CSMD3: variants seen among roughly 807,000 people sequenced by gnomAD.
CSMD3 encodes the protein CUB and Sushi multiple domains 3, also known as CUB and sushi domain-containing protein 3.
Under a neutral mutation model 435.2 loss-of-function variants are expected in CSMD3, and 177 were observed. That is an observed-to-expected ratio of 0.41 (90% confidence interval 0.36 to 0.46). CSMD3 has a LOEUF of 0.46. Among genes scored for constraint, CSMD3 ranks in the 20% least tolerant of loss-of-function variants. The pLI is 0.34. For synonymous variants in CSMD3, 1,656 were observed against 1,520.5 expected, an observed-to-expected ratio of 1.09 and a Z score of -2.07; for missense variants, 4,265 against 4,504.6, an observed-to-expected ratio of 0.95 and a Z score of 1.52.
intron 16 of CSMD3, among the ~76,000 whole-genome samples, chr8:112,681,036 T>G (rs1308512828): frequency 6.6e-6 from 1 of 151,172 alleles, no homozygotes; most frequent in East Asian, 1.9e-4. Flanking sequence ...TTTTTTCCTT[T>G]TTCTTTTTTT....
intron 10 of CSMD3, among the ~76,000 whole-genome samples, chr8:112,894,923 G>A (rs1354392959): frequency 6.6e-6 from 1 of 151,344 alleles, no homozygotes; most frequent in Non-Finnish European, 1.5e-5. Context: ...ACACTGGAAT[G>A]GATAATAAAT....
At chr8:112,385,209 T>C (rs73700688) in intron 36 of CSMD3, among the ~76,000 whole-genome samples, 3,196 of 152,304 alleles carry the variant, frequency 0.021, 103 homozygotes, top group African/African-American at 0.072. Flanking sequence ...TGGCTCCCTC[T>C]CCTCATGGGC....
At chr8:113,089,193 A>T (rs1242023126) in intron 5 of CSMD3, among the ~76,000 whole-genome samples, 3 of 151,884 alleles carry the variant, frequency 2.0e-5, no homozygotes, top group Non-Finnish European at 2.9e-5. Flanking sequence ...TCAATACATA[A>T]TTTTCATTCA....
At chr8:112,638,945 G>C in intron 20 of CSMD3, 34 bp from the exon 21 acceptor site, 1 of 1,397,072 alleles carries the variant, frequency 7.2e-7, no homozygotes, top group Non-Finnish European at 1.0e-6. Flanking sequence ...GAATTTACAG[G>C]TAGATCAGTA....
intron 12 of CSMD3, among the ~76,000 whole-genome samples, chr8:112,805,810 T>TCCTGACTCTCCTTCC (rs2079072244): frequency 6.6e-6 from 1 of 152,206 alleles, no homozygotes; most frequent in African/African-American, 2.4e-5. Context: ...TTCAAGGATT[T>TCCTGACTCTCCTTCC]CCTGACTCTC....
intron 59 of CSMD3, among the ~76,000 whole-genome samples, chr8:112,271,532 A>C (rs1329797445): frequency 6.6e-6 from 1 of 152,134 alleles, no homozygotes; most frequent in East Asian, 1.9e-4. Flanking sequence ...AGAAGAGATA[A>C]AAGTATACTA....
chr8:112,918,320 T>C (rs2082632740), intron 10 of CSMD3, among the ~76,000 whole-genome samples: 1 of 151,878 alleles, frequency 6.6e-6, no homozygotes, highest in Admixed American at 6.6e-5. Flanking sequence ...CATTTCATTG[T>C]CTTCTTTTCT....
At chr8:112,930,130 C>A (rs942772034) in intron 9 of CSMD3, among the ~76,000 whole-genome samples, 1 of 152,032 alleles carries the variant, frequency 6.6e-6, no homozygotes, top group Admixed American at 6.6e-5. Context: ...CCACAACATG[C>A]TATTTTGAAG....
chr8:112,301,737 T>A, intron 53 of CSMD3, 56 bp downstream of exon 53: 10 of 1,360,906 alleles, frequency 7.3e-6, no homozygotes, highest in Non-Finnish European at 1.1e-5. Flanking sequence ...GAGATGCCTC[T>A]TTTCAAGGGT....
chr8:112,907,163 T>C lies in CSMD3; in HGVS notation c.1633+14464A>G, dbSNP rs1004048563. On this transcript the variant is annotated intron_variant, in intron 10 of 70. Transcript: ENST00000297405. ...TTTAGACAAAATCCATAAGTACTGC[T>C]GAGTTAGGGTTTAGGTGGCACAGAA... 8.6e-5 allele frequency among the ~76,000 whole-genome samples: 13 copies of C among 151,462 alleles called. 1 individual carries two copies. Among genetic ancestry groups the C allele is most frequent in the African/African-American group, 3.1e-4 (13 of 41,342 alleles).
chr8:113,092,757 T>A (rs1342986566), intron 5 of CSMD3, among the ~76,000 whole-genome samples: 1 of 152,072 alleles, frequency 6.6e-6, no homozygotes. Context: ...AATAAATGGA[T>A]CCTGAGTGTT....
chr8:113,253,745 A>C (rs1197580876), intron 3 of CSMD3, among the ~76,000 whole-genome samples: 1 of 151,976 alleles, frequency 6.6e-6, no homozygotes, highest in Non-Finnish European at 1.5e-5. Context: ...AGGCTGAGGC[A>C]GGAGAATCAC....
At chr8:112,473,892 T>C (rs561350176) in intron 31 of CSMD3, among the ~76,000 whole-genome samples, 4 of 152,076 alleles carry the variant, frequency 2.6e-5, no homozygotes, top group East Asian at 1.9e-4. Context: ...TTCTACACTG[T>C]AGGTTTTTTA....
chr8:112,380,797 A>T (rs1829403446), intron 37 of CSMD3, among the ~76,000 whole-genome samples: 1 of 152,204 alleles, frequency 6.6e-6, no homozygotes, highest in African/African-American at 2.4e-5. Context: ...ACAAGCTAAT[A>T]ATAAACAATA....
At chr8:113,424,460 T>A (rs2094624601) in intron 1 of CSMD3, among the ~76,000 whole-genome samples, 1 of 151,698 alleles carries the variant, frequency 6.6e-6, no homozygotes, top group African/African-American at 2.4e-5. Flanking sequence ...CTTGCTTTTT[T>A]TAGGTGTTGA....
At chr8:113,203,233 T>A (rs2092732810) in intron 3 of CSMD3, among the ~76,000 whole-genome samples, 2 of 152,154 alleles carry the variant, frequency 1.3e-5, no homozygotes, top group Non-Finnish European at 2.9e-5. Context: ...ATGTAGCCCA[T>A]GAATATGTAC....
At chr8:113,328,748 T>TTTTTTG in intron 1 of CSMD3, among the ~76,000 whole-genome samples, 1 of 127,750 alleles carries the variant, frequency 7.8e-6, no homozygotes, top group Non-Finnish European at 1.6e-5. Flanking sequence ...TTTTTTTTTT[T>TTTTTTG]TTTTTTTTTT....
At chr8:112,823,235 A>C (rs187672075) in intron 12 of CSMD3, among the ~76,000 whole-genome samples, 1 of 152,230 alleles carries the variant, frequency 6.6e-6, no homozygotes, top group East Asian at 1.9e-4. Flanking sequence ...GTACCTGTGG[A>C]AGAATTTGGC....
intron 3 of CSMD3, among the ~76,000 whole-genome samples, chr8:113,234,162 A>G (rs1251315184): frequency 1.3e-5 from 2 of 152,160 alleles, no homozygotes; most frequent in Non-Finnish European, 2.9e-5. Flanking sequence ...TGAAAAATTC[A>G]TAGAGAATCT....
Sources: allele counts gnomAD v4.1 joint callset (sites outside exome capture counted in the v4.1 genomes callset), GRCh38; gene constraint gnomAD v4.1.1; transcripts MANE v1.5; gene names NCBI Gene and HGNC (gene_info 2026-07-23, HGNC 2026-07-21).